SETBP1: variants seen among roughly 807,000 people sequenced by gnomAD.
SETBP1 encodes SET-binding protein.
A neutral mutation model predicts 101.0 loss-of-function variants in SETBP1; 9 were observed. That is an observed-to-expected ratio of 0.09 (90% CI 0.05 to 0.16). The LOEUF (loss-of-function observed/expected upper bound fraction) is 0.16, where lower values mean the gene tolerates loss of function less well. Ranked by LOEUF, SETBP1 falls within the 10% of genes least tolerant of loss-of-function variation. SETBP1 has a pLI of 1.00. For missense variants in SETBP1, 1,858 were observed against 2,033.8 expected (o/e 0.91, Z 1.66); for synonymous variants, 818 against 788.5 (o/e 1.04, Z -0.63).
At chr18:45,036,044 T>C (rs1568042328) in intron 4 of SETBP1, among the ~76,000 whole-genome samples, 1 of 152,164 alleles carries the variant, frequency 6.6e-6, no homozygotes, top group Non-Finnish European at 1.5e-5. Context: ...TAAAGAAGGC[T>C]AAGAAGTGGC....
At chr18:44,756,042 C>A (rs1000299101) in intron 2 of SETBP1, among the ~76,000 whole-genome samples, 39 of 151,868 alleles carry the variant, frequency 2.6e-4, no homozygotes, top group Admixed American at 1.8e-3. Context: ...GGTGAAACCC[C>A]GTCTCTACTA....
intron 4 of SETBP1, among the ~76,000 whole-genome samples, chr18:44,973,023 T>C (rs1217904668): frequency 6.6e-6 from 1 of 152,238 alleles, no homozygotes; most frequent in African/African-American, 2.4e-5. Context: ...TTGTCATAGA[T>C]AGCTGTCATT....
intron 3 of SETBP1, among the ~76,000 whole-genome samples, chr18:44,919,994 A>G (rs1399727754): frequency 2.0e-5 from 3 of 152,122 alleles, no homozygotes; most frequent in African/African-American, 7.2e-5. Flanking sequence ...TTTGTTCACT[A>G]ATTGTCTTAG....
At chr18:44,933,081 G>C (rs904711502) in intron 3 of SETBP1, among the ~76,000 whole-genome samples, 2 of 152,178 alleles carry the variant, frequency 1.3e-5, no homozygotes, top group Non-Finnish European at 2.9e-5. Flanking sequence ...CATCTTTGTG[G>C]TTTTATCTAC....
chr18:45,035,103 A>G (rs2073370891), intron 4 of SETBP1, among the ~76,000 whole-genome samples: 1 of 152,052 alleles, frequency 6.6e-6, no homozygotes, highest in South Asian at 2.1e-4. Flanking sequence ...GCACTCTCCC[A>G]AGGACCAGTA....
chr18:44,805,429 T>G (rs1034575797), intron 2 of SETBP1, among the ~76,000 whole-genome samples: 15 of 151,562 alleles, frequency 9.9e-5, no homozygotes, highest in South Asian at 2.1e-4. Flanking sequence ...TGTGTGTGTG[T>G]GTGTGGGTGT....
At chr18:44,710,978 A>G (rs947974142) in intron 2 of SETBP1, among the ~76,000 whole-genome samples, 2 of 152,122 alleles carry the variant, frequency 1.3e-5, no homozygotes, top group Admixed American at 6.5e-5. Context: ...AGAGGCATAC[A>G]GACAGACACA....
chr18:44,899,549 C>T (rs2069988666), intron 3 of SETBP1, among the ~76,000 whole-genome samples: 1 of 152,192 alleles, frequency 6.6e-6, no homozygotes, highest in Non-Finnish European at 1.5e-5. Context: ...CCACTCAGCT[C>T]AGGACTGGCT....
At chr18:44,904,292 A>C (rs1325127887) in intron 3 of SETBP1, among the ~76,000 whole-genome samples, 1 of 152,198 alleles carries the variant, frequency 6.6e-6, no homozygotes, top group Non-Finnish European at 1.5e-5. Context: ...ATACATACAC[A>C]CAAAACATAA....
At chr18:44,772,765 G>A (rs1367263260) in intron 2 of SETBP1, among the ~76,000 whole-genome samples, 2 of 152,086 alleles carry the variant, frequency 1.3e-5, no homozygotes, top group Non-Finnish European at 2.9e-5. Context: ...TGTTTAATGG[G>A]ATTCGTGGGG....
intron 4 of SETBP1, among the ~76,000 whole-genome samples, chr18:45,015,789 A>C (rs1454455104): frequency 1.3e-5 from 2 of 152,252 alleles, no homozygotes. Context: ...AGAGAAAAAT[A>C]GATCATAAGT....
intron 5 of SETBP1, among the ~76,000 whole-genome samples, chr18:45,055,685 T>C (rs2073797517): frequency 1.3e-5 from 2 of 152,222 alleles, no homozygotes; most frequent in Admixed American, 1.3e-4. Flanking sequence ...AAGTACATTG[T>C]TGACTGTGCT....
rs1347809311 is a variant in SETBP1 at position 44,868,878 on chromosome 18, A to G, written c.487-352A>G. 2.6e-5 allele frequency among the ~76,000 whole-genome samples: 4 copies of G among 152,170 alleles called. No individual in the cohort carries two copies. The East Asian group carries it at 7.7e-4, about 29-fold the overall frequency. On this transcript the variant is annotated intron_variant, in intron 2 of 5. Coordinates refer to ENST00000649279, the MANE Select transcript of SETBP1 (RefSeq NM_015559.3). ...AGCCAGGGCCCATCTCTCTAAGGAA[A>G]TATATACATCTATAGATTCACACAT...
At chr18:44,796,348 A>G (rs537251756) in intron 2 of SETBP1, among the ~76,000 whole-genome samples, 6 of 152,206 alleles carry the variant, frequency 3.9e-5, no homozygotes, top group Non-Finnish European at 7.3e-5. Context: ...GTTCCTGCCT[A>G]TTGCGCTAGG....
intron 2 of SETBP1, among the ~76,000 whole-genome samples, chr18:44,790,581 C>A (rs546519707): frequency 3.2e-4 from 48 of 152,304 alleles, no homozygotes; most frequent in Non-Finnish European, 6.0e-4. Context: ...CTTCACTGTG[C>A]TTTTTCAAGT....
intron 2 of SETBP1, among the ~76,000 whole-genome samples, chr18:44,767,816 T>C (rs1406699777): frequency 2.0e-5 from 3 of 152,208 alleles, no homozygotes; most frequent in Non-Finnish European, 4.4e-5. Flanking sequence ...AGACGTTTCA[T>C]AGAGTCTTTC....
At chr18:44,960,294 T>A (rs1599380123) in intron 4 of SETBP1, among the ~76,000 whole-genome samples, 1 of 152,266 alleles carries the variant, frequency 6.6e-6, no homozygotes, top group Middle Eastern at 3.4e-3. Flanking sequence ...AGGGTCTTTT[T>A]CCCGTACTCC....
chr18:44,748,627 G>GTGTGCAGGCACCATGTGCGTGCT (rs1314972155), intron 2 of SETBP1, among the ~76,000 whole-genome samples: 1 of 152,096 alleles, frequency 6.6e-6, no homozygotes, highest in African/African-American at 2.4e-5. Context: ...AGGGTTGTGC[G>GTGTGCAGGCACCATGTGCGTGCT]TGTGCAGGCA....
At chr18:44,857,093 T>C (rs1402540031) in intron 2 of SETBP1, among the ~76,000 whole-genome samples, 1 of 152,260 alleles carries the variant, frequency 6.6e-6, no homozygotes, top group Admixed American at 6.5e-5. Context: ...TGTGGTATAA[T>C]TGACGAATAC....
Sources: allele counts gnomAD v4.1 joint callset (sites outside exome capture counted in the v4.1 genomes callset), GRCh38; gene constraint gnomAD v4.1.1; transcripts MANE v1.5; gene names NCBI Gene and HGNC (gene_info 2026-07-23, HGNC 2026-07-21).